Variants in PRELID2 observed in about 807,000 individuals in gnomAD.
PRELID2 encodes PRELI domain-containing protein 2.
In PRELID2, 25 loss-of-function variants were observed where a neutral mutation model predicts 28.4. That is an observed-to-expected ratio of 0.88 (90% CI 0.64 to 1.23). The LOEUF (loss-of-function observed/expected upper bound fraction) is 1.23, where lower values mean the gene tolerates loss of function less well. Ranked by LOEUF, PRELID2 falls within the 50% of genes most tolerant of loss-of-function variation. The pLI, the probability that PRELID2 is intolerant of heterozygous loss-of-function variation, is 0.00. For synonymous variants in PRELID2, 76 were observed against 71.6 expected (o/e 1.06, Z -0.31); for missense variants, 201 against 214.4 (o/e 0.94, Z 0.39).
intron 1 of PRELID2, among the ~76,000 whole-genome samples, chr5:145,592,639 A>G (rs79475384): frequency 6.6e-6 from 1 of 152,148 alleles, no homozygotes; most frequent in Admixed American, 6.6e-5. Context: ...ATCCAATCAT[A>G]AAATTTTTGG....
chr5:145,415,516 C>G, the PRELID2 span, among the ~76,000 whole-genome samples: 199 of 145,152 alleles, frequency 1.4e-3, no homozygotes, highest in Middle Eastern at 7.1e-3. Context: ...CATCTATGAG[C>G]GAGAACATGC....
intron 1 of PRELID2, among the ~76,000 whole-genome samples, chr5:145,505,538 A>G (rs1279419589): frequency 6.6e-6 from 1 of 152,134 alleles, no homozygotes; most frequent in Non-Finnish European, 1.5e-5. Context: ...TATTCTCAAC[A>G]TTTTGATCTT....
chr5:145,762,943 C>T (rs1757543234), intron 6 of PRELID2, among the ~76,000 whole-genome samples: 1 of 152,182 alleles, frequency 6.6e-6, no homozygotes, highest in South Asian at 2.1e-4. Flanking sequence ...AGTGTGGCCC[C>T]AGGACCAGGA....
At chr5:145,598,597 A>C (rs1234196476) in intron 1 of PRELID2, among the ~76,000 whole-genome samples, 1 of 152,172 alleles carries the variant, frequency 6.6e-6, no homozygotes, top group Admixed American at 6.5e-5. Flanking sequence ...TTCACCAAAC[A>C]CTCATTCAGC....
At chr5:145,604,299 T>C (rs910192838) in intron 1 of PRELID2, among the ~76,000 whole-genome samples, 7 of 152,114 alleles carry the variant, frequency 4.6e-5, no homozygotes, top group African/African-American at 1.4e-4. Flanking sequence ...TTTGTGTCCA[T>C]AGGTACTCAA....
chr5:145,815,766 T>C (rs1754259476), intron 4 of PRELID2, among the ~76,000 whole-genome samples: 1 of 152,238 alleles, frequency 6.6e-6, no homozygotes. Context: ...CTAAATAATA[T>C]TCCATTTTGT....
At chr5:145,281,588 C>T in the PRELID2 span, among the ~76,000 whole-genome samples, 1 of 152,180 alleles carries the variant, frequency 6.6e-6, no homozygotes, top group African/African-American at 2.4e-5. Context: ...GTAATGACAA[C>T]ACCGTCAAAG....
intron 5 of PRELID2, among the ~76,000 whole-genome samples, chr5:145,787,742 T>C (rs997125607): frequency 1.3e-5 from 2 of 152,114 alleles, no homozygotes; most frequent in African/African-American, 4.8e-5. Flanking sequence ...GATCTCCCTA[T>C]GTTGCCTATG....
intron 1 of PRELID2, among the ~76,000 whole-genome samples, chr5:145,517,319 A>G (rs1170271869): frequency 1.3e-5 from 2 of 152,218 alleles, no homozygotes; most frequent in African/African-American, 4.8e-5. Flanking sequence ...CCCCATCAAA[A>G]TATGGGTGAA....
chr5:145,246,006 A>C, the PRELID2 span, among the ~76,000 whole-genome samples: 1 of 152,020 alleles, frequency 6.6e-6, no homozygotes, highest in African/African-American at 2.4e-5. Flanking sequence ...AAATTGTCTT[A>C]ATTTGGGACA....
chr5:145,707,437 T>C (rs1755578228), intron 1 of PRELID2, among the ~76,000 whole-genome samples: 1 of 152,190 alleles, frequency 6.6e-6, no homozygotes, highest in African/African-American at 2.4e-5. Context: ...AAGCTTATAA[T>C]AAACCACAAT....
the PRELID2 span, among the ~76,000 whole-genome samples, chr5:145,371,072 G>C: frequency 6.6e-6 from 1 of 152,056 alleles, no homozygotes; most frequent in South Asian, 2.1e-4. Flanking sequence ...GAGACAATTT[G>C]ACCTCCTCTC....
chr5:145,325,375 T>C, the PRELID2 span, among the ~76,000 whole-genome samples: 2 of 152,138 alleles, frequency 1.3e-5, no homozygotes, highest in Non-Finnish European at 2.9e-5. Flanking sequence ...TTGCAAACTA[T>C]AAGAGGCATG....
chr5:145,482,969 A>G (rs987095882), intron 1 of PRELID2, among the ~76,000 whole-genome samples: 1 of 152,102 alleles, frequency 6.6e-6, no homozygotes, highest in Non-Finnish European at 1.5e-5. Flanking sequence ...GTAAATACAG[A>G]TGAAGTTTCG....
the PRELID2 span, among the ~76,000 whole-genome samples, chr5:145,383,427 T>G: frequency 1.3e-5 from 2 of 150,926 alleles, no homozygotes; most frequent in Non-Finnish European, 3.0e-5. Context: ...AAAGCTGAAA[T>G]ACATTACCTT....
At chr5:145,708,058 C>T in intron 1 of PRELID2, among the ~76,000 whole-genome samples, 1 of 152,096 alleles carries the variant, frequency 6.6e-6, no homozygotes, top group Non-Finnish European at 1.5e-5. Context: ...TTCCATGTAT[C>T]TGATGTTGCT....
At position 145,499,150 on chromosome 5, in the gene PRELID2, A is replaced by C. The variant is rs1752336358; in HGVS notation, n.71-25835T>G. Among the ~76,000 whole-genome samples, 2 of 152,158 alleles carry C rather than the reference A, an allele frequency of 1.3e-5. 1 individual carries two copies. The highest frequency in any genetic ancestry group is 2.9e-5 in the Non-Finnish European group (2 of 68,028). On this transcript the variant is annotated intron_variant and non_coding_transcript_variant, in intron 1 of 2. Transcript: ENST00000510259. Reference sequence around the variant, plus strand: ...GTAGTTCTAGCTACTTGGGAGGCTAAGGTGGAAGGATCTCTTGAGCCCAGG... The same window carrying C: ...GTAGTTCTAGCTACTTGGGAGGCTACGGTGGAAGGATCTCTTGAGCCCAGG...
In PRELID2 at chr5:145,758,403, T is replaced by C. The variant is rs1218331493; in HGVS notation, c.*2133A>G. Among the ~76,000 whole-genome samples, 1 of 152,162 alleles carries C rather than the reference T, an allele frequency of 6.6e-6. No individual in the cohort carries two copies. Among genetic ancestry groups the C allele is most frequent in the Non-Finnish European group, 1.5e-5 (1 of 68,044 alleles). ...ATACCTAAAAGTCACTGTAGTGTTC[T>C]TAGCTGCCCACTGGAACTACCAAAG... On this transcript the variant is annotated 3_prime_UTR_variant, in exon 7 of 7. Coordinates refer to ENST00000683046, the MANE Select transcript of PRELID2 (RefSeq NM_205846.3).
intron 1 of PRELID2, among the ~76,000 whole-genome samples, chr5:145,618,847 G>C (rs539543047): frequency 4.0e-4 from 61 of 152,232 alleles, no homozygotes; most frequent in African/African-American, 1.4e-3. Flanking sequence ...TCCTTGGGTG[G>C]GTCTTGCTGT....
Sources: gnomAD v4.1 joint callset for allele counts (sites outside exome capture counted in the v4.1 genomes callset) on GRCh38, gnomAD v4.1.1 for gene constraint, MANE v1.5 for transcripts, NCBI Gene and HGNC (gene_info 2026-07-23, HGNC 2026-07-21) for gene names.